The following POLI variants were observed in gnomAD, a reference collection of about 807,000 sequenced individuals.
POLI encodes RAD30 homolog B.
POLI carries 58 observed loss-of-function variants against 51.6 expected under a neutral mutation model. That is an observed-to-expected ratio of 1.12 (90% CI 0.91 to 1.40). The LOEUF (loss-of-function observed/expected upper bound fraction) is 1.40. POLI is among the 40% of genes most tolerant of loss of function. The pLI, the probability that POLI is intolerant of heterozygous loss-of-function variation, is 0.00. For missense variants in POLI, 921 were observed against 871.3 expected (o/e 1.06, Z -0.72); for synonymous variants, 322 against 299.7 (o/e 1.07, Z -0.77).
At position 54,317,665 on chromosome 18, in the gene POLI, A is replaced by ACTC. The variant is rs1173153476; in HGVS notation, c.334-2607_334-2606insTCC. 4.6e-5 allele frequency among the ~76,000 whole-genome samples: 7 copies of ACTC among 152,150 alleles called. No individual in the cohort carries two copies. In the East Asian group the frequency reaches 1.4e-3, roughly 29 times the overall value. ...ATTGCTTGAGGCTAGGAGTTGGGAG[A>ACTC]CCAGCCTAGGCAATACAGCAAGACC... On this transcript the variant is annotated intron_variant, in intron 3 of 4. Transcript: ENST00000579823.
At chr18:54,285,519 G>A (rs929468988) in intron 7 of POLI, among the ~76,000 whole-genome samples, 75 of 80,394 alleles carry the variant, frequency 9.3e-4, no homozygotes, top group African/African-American at 4.3e-3. Flanking sequence ...AAAAATTACA[G>A]GAGTGTGTGT....
intron 7 of POLI, among the ~76,000 whole-genome samples, chr18:54,285,701 T>C (rs1388251561): frequency 6.6e-6 from 1 of 152,192 alleles, no homozygotes; most frequent in Non-Finnish European, 1.5e-5. Context: ...TTCTAATGTG[T>C]CTTAATTAGC....
chr18:54,269,557 TG>T lies in POLI; in HGVS notation c.16del (p.Val6TrpfsTer50). 5 of 1,505,442 alleles carry T rather than the reference TG, an allele frequency of 3.3e-6. No homozygotes were observed. Among genetic ancestry groups the T allele is most frequent in the East Asian group, 2.7e-5 (1 of 36,388 alleles). The allele number at this position is 1,505,442 out of a possible 1,614,324, so 93.3% of individuals were successfully genotyped here. A position where few individuals can be genotyped will look rare whatever the true frequency, so the allele number is the denominator to read the frequency against. Reference protein sequence around the residue: MEKLGVEPEEEGGG... With the variant: MEKXGVEPEEEGGG... ...GTTGGCAGCGGCGGGATGGAGAAGC[TG>T]GGGGTGGAGCCGGAGGAGGAAGGCG... On this transcript the variant is annotated frameshift_variant, in exon 1 of 10. Coordinates refer to ENST00000579534, the MANE Select transcript of POLI (RefSeq NM_007195.3). LOFTEE classifies it high-confidence loss of function.
rs892780683 is a variant in POLI at position 54,295,513 on chromosome 18, A to C, written c.*1046A>C. On this transcript the variant is annotated 3_prime_UTR_variant, in exon 10 of 10. Transcript: ENST00000579534. ...ACCAATATGGGAGTATCCTGGTCTCAAGTTTATAATTTTTGCACATATAAT... is the reference window on the plus strand; with the variant it reads ...ACCAATATGGGAGTATCCTGGTCTCCAGTTTATAATTTTTGCACATATAAT... 2.9e-5 allele frequency: 27 copies of C among 932,806 alleles called. No homozygotes were observed. Among genetic ancestry groups the C allele is most frequent in the Non-Finnish European group, 2.9e-5 (23 of 782,118 alleles). 57.8% of individuals were successfully genotyped at this position (932,806 alleles called of 1,614,324 possible). A position where few individuals can be genotyped will look rare whatever the true frequency, so the allele number is the denominator to read the frequency against.
chr18:54,270,238 G>C (rs781586523), intron 1 of POLI: 1 of 165,364 alleles, frequency 6.0e-6, no homozygotes, highest in East Asian at 1.9e-4. Flanking sequence ...AGGTCTCCCT[G>C]CAGCCTCGAA....
downstream of POLI, among the ~76,000 whole-genome samples, chr18:54,298,588 C>CTTTTTTTTTTTTT (rs145052748): frequency 8.7e-6 from 1 of 114,906 alleles, no homozygotes; most frequent in African/African-American, 3.6e-5. Flanking sequence ...ACTACAGAAT[C>CTTTTTTTTTTTTT]TTTTTTTTTT....
Position 54,291,994 on chromosome 18 carries a change from A to T in POLI, c.1360A>T (p.Met454Leu). ...AKKGLIDYYL[M>L]PSLSTTSRSG... Reference sequence around the variant, plus strand: ...GAAAGGGCTTATTGATTATTATTTAATGCCATCATTATCAACTACTTCACG... The same window carrying T: ...GAAAGGGCTTATTGATTATTATTTATTGCCATCATTATCAACTACTTCACG... Residue 454 changes from methionine (M) to leucine (L), a missense_variant, in exon 9 of 10, where the codon ATG (methionine) becomes TTG (leucine). Met to Leu is a conservative substitution (Grantham distance 15, BLOSUM62 2). Coordinates refer to ENST00000579534, the MANE Select transcript of POLI (RefSeq NM_007195.3). The T allele has an allele frequency of 1.2e-6, 2 of 1,610,958 alleles. No homozygotes were observed. Among genetic ancestry groups the T allele is most frequent in the Non-Finnish European group, 1.7e-6 (2 of 1,178,250 alleles).
chr18:54,297,606 A>G lies in POLI; in HGVS notation c.*3139A>G, dbSNP rs994486833. On this transcript the variant is annotated 3_prime_UTR_variant, in exon 10 of 10. Transcript: ENST00000579534. ...TATGTTGTGCTTCTTTCCCACCTTT[A>G]TCTCTCCTCCTATCTTTTGGGATCA... The G allele has an allele frequency of 3.1e-6, 3 of 978,908 alleles. No individual in the cohort carries two copies. The African/African-American group carries it at 5.3e-5, about 17-fold the overall frequency. 60.6% of individuals were successfully genotyped at this position (978,908 alleles called of 1,614,324 possible).
intron 3 of POLI, among the ~76,000 whole-genome samples, chr18:54,308,338 T>A (rs1033424892): frequency 5.9e-5 from 9 of 152,340 alleles, no homozygotes; most frequent in African/African-American, 2.2e-4. Context: ...CCTTCACTTA[T>A]GAAGCTTACT....
chr18:54,315,542 T>C (rs955244730), intron 3 of POLI, among the ~76,000 whole-genome samples: 1 of 152,188 alleles, frequency 6.6e-6, no homozygotes, highest in Non-Finnish European at 1.5e-5. Context: ...TAATGTACTG[T>C]CTAACACTGT....
At position 54,287,284 on chromosome 18, in the gene POLI, A is replaced by G; in HGVS notation, c.1071A>G (p.Val357=). 4 of 1,560,478 alleles carry G rather than the reference A, an allele frequency of 2.6e-6. No individual in the cohort carries two copies. The highest frequency in any genetic ancestry group is 3.5e-6 in the Non-Finnish European group (4 of 1,144,830). ...TCCACTTTCTCTTTATTTTTAGAGT[A>G]TGCCAAGATGGAAGGAAGCCTCATA... ...EELLASLLNR[V]CQDGRKPHTV... Residue 357 remains valine (V), a synonymous_variant, in exon 8 of 10, where the codon GTA becomes GTG. Coordinates refer to ENST00000579534, the MANE Select transcript of POLI (RefSeq NM_007195.3).
intron 7 of POLI, among the ~76,000 whole-genome samples, chr18:54,285,243 C>T (rs995174553): frequency 2.0e-5 from 3 of 152,138 alleles, no homozygotes; most frequent in African/African-American, 7.2e-5. Flanking sequence ...TCATTTGCTT[C>T]AGCTAAATAG....
rs1160233363 is a variant in POLI, at chr18:54,283,985, G to T, written c.1039G>T (p.Glu347Ter). ...SSEVEAKNKI[E>*]ELLASLLNRV... ...TGAAGTTGAAGCTAAAAATAAGATT[G>T]AAGAACTACTTGCTAGTCTTTTAAA... Residue 347 changes from glutamate to a stop codon, truncating the protein, a stop_gained, in exon 7 of 10, where the codon GAA becomes TAA. Transcript: ENST00000579534. LOFTEE classifies it high-confidence loss of function. 1.4e-6 allele frequency: 2 copies of T among 1,477,690 alleles called. No individual in the cohort carries two copies. Among genetic ancestry groups the T allele is most frequent in the Non-Finnish European group, 1.9e-6 (2 of 1,065,148 alleles). 91.5% of individuals were successfully genotyped at this position (1,477,690 alleles called of 1,614,324 possible). A position where few individuals can be genotyped will look rare whatever the true frequency, so the allele number is the denominator to read the frequency against.
At chr18:54,281,032 G>A (rs2087477919) in intron 5 of POLI, 129 bp downstream of exon 5, 92 of 464,006 alleles carry the variant, frequency 2.0e-4, no homozygotes, top group South Asian at 5.9e-4. Flanking sequence ...GTGTGTGTGT[G>A]TGTATACTTG....
At chr18:54,321,169 C>G (rs1405300888) in exon 5 of POLI, 5 of 152,222 alleles carry the variant, frequency 3.3e-5, no homozygotes, top group Non-Finnish European at 1.5e-5. Context: ...GCTCCTCCCC[C>G]ACCTCCCTAA....
Position 54,291,871 on chromosome 18 carries a change from A to G in POLI, c.1237A>G (p.Met413Val), listed in dbSNP as rs772777726. 29 of 1,604,570 alleles carry G rather than the reference A, an allele frequency of 1.8e-5. No individual in the cohort carries two copies. In the South Asian group the frequency reaches 2.9e-4, roughly 16 times the overall value. Residue 413 changes from methionine to valine, a missense_variant, in exon 9 of 10, where the codon ATG (methionine) becomes GTG (valine). Coordinates refer to ENST00000579534, the MANE Select transcript of POLI (RefSeq NM_007195.3). Reference protein sequence around the residue: ...DVMTPMVDILMKLFRNMVNVK... With the variant: ...DVMTPMVDILVKLFRNMVNVK... The stretch of plus-strand genomic sequence containing the variant: ...GATGACCCCAATGGTTGATATACTT[A>G]TGAAACTTTTTCGAAATATGGTGAA...
chr18:54,279,965 A>AT (rs1209733099), intron 4 of POLI, among the ~76,000 whole-genome samples: 1 of 152,106 alleles, frequency 6.6e-6, no homozygotes, highest in Non-Finnish European at 1.5e-5. Context: ...GTCAGTAGGA[A>AT]TTTTTTTATG....
At chr18:54,284,043 C>A in intron 7 of POLI, 30 bp downstream of exon 7, 1 of 840,186 alleles carries the variant, frequency 1.2e-6, no homozygotes, top group South Asian at 1.6e-5. Context: ...GCCAAGTCAT[C>A]CTATGTATTC....
At chr18:54,269,690 C>A in intron 1 of POLI, 29 bp downstream of exon 1, 1 of 1,487,700 alleles carries the variant, frequency 6.7e-7, no homozygotes, top group Non-Finnish European at 8.9e-7. Flanking sequence ...AGCCAGCGGC[C>A]TCCTTGGGTG....
Sources: gnomAD v4.1 joint callset for allele counts (sites outside exome capture counted in the v4.1 genomes callset) on GRCh38, gnomAD v4.1.1 for gene constraint, MANE v1.5 for transcripts, NCBI Gene and HGNC (gene_info 2026-07-23, HGNC 2026-07-21) for gene names.